The following CCSER1 variants were observed in gnomAD, a reference collection of about 807,000 sequenced individuals.
The protein encoded by CCSER1 is coiled-coil serine rich protein 1.
A neutral mutation model predicts 82.0 loss-of-function variants in CCSER1; 41 were observed. That is an observed-to-expected ratio of 0.50 (90% CI 0.39 to 0.65). The LOEUF is 0.65. Ranked by LOEUF, CCSER1 falls within the 30% of genes least tolerant of loss-of-function variation. The pLI is 0.00. For missense variants in CCSER1, 1,119 were observed against 1,064.2 expected, an observed-to-expected ratio of 1.05 and a Z score of -0.72; for synonymous variants, 414 against 383.9, an observed-to-expected ratio of 1.08 and a Z score of -0.92.
chr4:90,893,115 G>T (rs1245201862), intron 8 of CCSER1, among the ~76,000 whole-genome samples: 1 of 152,008 alleles, frequency 6.6e-6, no homozygotes, highest in Non-Finnish European at 1.5e-5. Flanking sequence ...CCAAAGGCCA[G>T]ACCATAGTCA....
At chr4:91,261,164 A>C (rs1318686226) in intron 10 of CCSER1, among the ~76,000 whole-genome samples, 6 of 151,964 alleles carry the variant, frequency 3.9e-5, no homozygotes, top group Non-Finnish European at 8.8e-5. Context: ...TTTTTTTCTA[A>C]TTTTTCAGAT....
At chr4:91,442,107 A>G (rs1755205382) in intron 10 of CCSER1, among the ~76,000 whole-genome samples, 1 of 151,924 alleles carries the variant, frequency 6.6e-6, no homozygotes, top group African/African-American at 2.4e-5. Context: ...TCTTCACAGA[A>G]TTGGAAAAAA....
At chr4:90,459,648 G>A (rs1178522963) in intron 4 of CCSER1, among the ~76,000 whole-genome samples, 2 of 152,010 alleles carry the variant, frequency 1.3e-5, no homozygotes, top group African/African-American at 4.8e-5. Flanking sequence ...TGCCTGTGTT[G>A]TAATCTCTTC....
chr4:91,552,955 TC>T (rs1762226658), intron 10 of CCSER1, among the ~76,000 whole-genome samples: 1 of 151,584 alleles, frequency 6.6e-6, no homozygotes, highest in South Asian at 2.1e-4. Context: ...TTTTTGCTGA[TC>T]TTAGAGGACA....
At chr4:91,289,918 A>G (rs1743616106) in intron 10 of CCSER1, among the ~76,000 whole-genome samples, 1 of 152,036 alleles carries the variant, frequency 6.6e-6, no homozygotes, top group Admixed American at 6.6e-5. Flanking sequence ...ACAATCAGGC[A>G]TATTATATTC....
intron 1 of CCSER1, among the ~76,000 whole-genome samples, chr4:90,202,257 C>T (rs1347847886): frequency 3.3e-5 from 5 of 150,342 alleles, no homozygotes; most frequent in Non-Finnish European, 7.4e-5. Flanking sequence ...TGCTGGAGTG[C>T]AGTGGTGCTA....
intron 6 of CCSER1, 98 bp from the exon 7 acceptor site, chr4:90,723,816 T>C: frequency 4.0e-6 from 2 of 494,082 alleles, no homozygotes; most frequent in Non-Finnish European, 7.1e-6. Context: ...TTACTTATTA[T>C]TTGTTTATTT....
At chr4:91,351,404 A>C (rs1408421230) in intron 10 of CCSER1, among the ~76,000 whole-genome samples, 1 of 151,982 alleles carries the variant, frequency 6.6e-6, no homozygotes, top group Non-Finnish European at 1.5e-5. Context: ...TTAATCTTTG[A>C]GTTTCTTCTC....
At chr4:91,102,366 T>G (rs1346812708) in intron 10 of CCSER1, among the ~76,000 whole-genome samples, 1 of 152,200 alleles carries the variant, frequency 6.6e-6, no homozygotes, top group Admixed American at 6.5e-5. Context: ...TTTTATGACA[T>G]TGTAGCTTCG....
chr4:91,470,184 G>A (rs1757184864), intron 10 of CCSER1, among the ~76,000 whole-genome samples: 1 of 152,154 alleles, frequency 6.6e-6, no homozygotes, highest in Non-Finnish European at 1.5e-5. Flanking sequence ...TTGTTAAACT[G>A]AATGTTGAAT....
At chr4:90,284,113 A>G (rs948062160) in intron 1 of CCSER1, among the ~76,000 whole-genome samples, 3 of 151,952 alleles carry the variant, frequency 2.0e-5, no homozygotes, top group African/African-American at 4.8e-5. Context: ...GGCCATTTTA[A>G]TGTCTTTTTC....
chr4:90,458,358 A>G (rs1183204536), intron 4 of CCSER1, among the ~76,000 whole-genome samples: 1 of 149,350 alleles, frequency 6.7e-6, no homozygotes, highest in Non-Finnish European at 1.5e-5. Context: ...TGCCACAATA[A>G]GTTTTTTTTT....
intron 4 of CCSER1, among the ~76,000 whole-genome samples, chr4:90,407,752 G>C (rs149972392): frequency 6.6e-6 from 1 of 152,268 alleles, no homozygotes; most frequent in Admixed American, 6.5e-5. Context: ...CTGAGGTACT[G>C]GGTTCATCTC....
chr4:91,538,479 A>C (rs1761410934), intron 10 of CCSER1, among the ~76,000 whole-genome samples: 1 of 151,322 alleles, frequency 6.6e-6, no homozygotes. Context: ...ACTCCTCAGC[A>C]CTGGAAGAAG....
intron 10 of CCSER1, among the ~76,000 whole-genome samples, chr4:91,551,937 A>G (rs2110226459): frequency 6.6e-6 from 1 of 151,888 alleles, no homozygotes; most frequent in South Asian, 2.1e-4. Flanking sequence ...CTTAAAGTAG[A>G]GGCAAAAGGG....
intron 8 of CCSER1, among the ~76,000 whole-genome samples, chr4:90,872,450 A>T (rs912494353): frequency 6.6e-6 from 1 of 151,966 alleles, no homozygotes; most frequent in Non-Finnish European, 1.5e-5. Context: ...CTTAACACTG[A>T]TTGCATAAAC....
chr4:90,170,423 A>G (rs778696728), intron 1 of CCSER1, among the ~76,000 whole-genome samples: 6 of 141,586 alleles, frequency 4.2e-5, no homozygotes, highest in Non-Finnish European at 9.3e-5. Context: ...TTTTTACTGT[A>G]TTTTACCCTT....
At chr4:91,438,310 G>C (rs1754826286) in intron 10 of CCSER1, among the ~76,000 whole-genome samples, 1 of 152,172 alleles carries the variant, frequency 6.6e-6, no homozygotes, top group African/African-American at 2.4e-5. Context: ...TCAGACAGCA[G>C]CATTCGCGGT....
rs200994331 is a variant in CCSER1, at chr4:90,400,023, G to T, written c.1510-13G>T. On this transcript the variant is annotated splice_polypyrimidine_tract_variant and intron_variant, in intron 3 of 10. Transcript: ENST00000509176. ...GTTTTGGTTTCTAATTGTTGGTTTTGATTTTTCTTCAGGATGTTTTGAATA... is the reference window on the plus strand; with the variant it reads ...GTTTTGGTTTCTAATTGTTGGTTTTTATTTTTCTTCAGGATGTTTTGAATA... 6.4e-4 allele frequency: 989 copies of T among 1,539,326 alleles called. No homozygotes were observed. The highest frequency in any genetic ancestry group is 8.5e-4 in the Non-Finnish European group (948 of 1,115,216).
Sources: allele counts gnomAD v4.1 joint callset (sites outside exome capture counted in the v4.1 genomes callset), GRCh38; gene constraint gnomAD v4.1.1; transcripts MANE v1.5; gene names NCBI Gene and HGNC (gene_info 2026-07-23, HGNC 2026-07-21).